Variants in B3GALT9 observed in about 807,000 individuals in gnomAD.
The protein encoded by B3GALT9 is UDP-GlcNAc:betaGal beta-1,3-N-acetylglucosaminyltransferase 10 (putative).
At position 120,793,860 on chromosome 9, in the gene B3GALT9, C is replaced by T. The variant is rs920340779; in HGVS notation, c.-244C>T. On this transcript the variant is annotated 5_prime_UTR_variant, in exon 1 of 3. Transcript: ENST00000689072. ...AAAGCCCCTGACCGCCTGGGCCTTA[C>T]ATCTATTAGGAGGAGGAAGACAGAT... is the stretch of plus-strand genomic sequence containing the variant. 2.6e-6 allele frequency: 1 copy of T among 387,814 alleles called. No homozygotes were observed. The highest frequency in any genetic ancestry group is 4.5e-6 in the Non-Finnish European group (1 of 219,848). 24.0% of individuals were successfully genotyped at this position (387,814 alleles called of 1,614,324 possible).
At chr9:120,795,448 A>T (rs1358240072) in intron 1 of B3GALT9, among the ~76,000 whole-genome samples, 1 of 152,222 alleles carries the variant, frequency 6.6e-6, no homozygotes. Context: ...CTATAAAAAA[A>T]TTTTTAAATT....
chr9:120,798,822 T>C lies in B3GALT9; in HGVS notation c.254T>C (p.Phe85Ser), dbSNP rs2044954064. The part of the protein sequence containing the change: ...QSEICKGKNI[F>S]LLSLIFSSPG... Reference sequence around the variant, plus strand: ...GAAATATGTAAAGGGAAGAACATTTTTTTGCTGTCTCTTATCTTCAGTAGC... The same window carrying C: ...GAAATATGTAAAGGGAAGAACATTTCTTTGCTGTCTCTTATCTTCAGTAGC... Residue 85 changes from phenylalanine to serine, a missense_variant, in exon 3 of 3, where the codon TTT becomes TCT. Physicochemically the swap from Phe to Ser is radical, Grantham distance 155. Transcript: ENST00000689072. 1 of 399,076 alleles carries C rather than the reference T, an allele frequency of 2.5e-6. No homozygotes were observed. 24.7% of individuals were successfully genotyped at this position (399,076 alleles called of 1,614,324 possible).
chr9:120,800,157 G>A lies in B3GALT9; in HGVS notation c.*479G>A, dbSNP rs1161885373. On this transcript the variant is annotated 3_prime_UTR_variant, in exon 3 of 3. Transcript: ENST00000689072. Reference sequence around the variant, plus strand: ...TTCGGAGACAGAGTCTTGCTCTGTCGCCCAGGCTGGAGTGCAATGGCACCA... The same window carrying A: ...TTCGGAGACAGAGTCTTGCTCTGTCACCCAGGCTGGAGTGCAATGGCACCA... 5.6e-5 allele frequency among the ~76,000 whole-genome samples: 8 copies of A among 143,416 alleles called. No individual in the cohort carries two copies. Among genetic ancestry groups the A allele is most frequent in the Admixed American group, 5.0e-4 (7 of 14,030 alleles). The allele number at this position is 143,416 out of a possible 152,430, so 94.1% of individuals were successfully genotyped here. A position where few individuals can be genotyped will look rare whatever the true frequency, so the allele number is the denominator to read the frequency against.
chr9:120,794,094 A>G (rs1380673717), intron 1 of B3GALT9, among the ~76,000 whole-genome samples, 172 bp downstream of exon 1: 1 of 152,192 alleles, frequency 6.6e-6, no homozygotes, highest in Non-Finnish European at 1.5e-5. Context: ...AAGGAAATGA[A>G]GCATGCAAAC....
chr9:120,797,979 T>G (rs749952589), intron 2 of B3GALT9, among the ~76,000 whole-genome samples: 1 of 152,226 alleles, frequency 6.6e-6, no homozygotes, highest in Non-Finnish European at 1.5e-5. Flanking sequence ...GTCAGATAGA[T>G]TAGGAGCCAT....
In B3GALT9 at chr9:120,799,490, T is replaced by G; in HGVS notation, c.922T>G (p.Phe308Val). 2.5e-6 allele frequency: 1 copy of G among 399,612 alleles called. No homozygotes were observed. The highest frequency in any genetic ancestry group is 3.6e-5 in the East Asian group (1 of 28,072). The allele number at this position is 399,612 out of a possible 1,614,324, so 24.8% of individuals were successfully genotyped here. The change falls in exon 3 of 3, where the codon TTT becomes GTT. Residue 308 changes from phenylalanine to valine, a missense_variant. Transcript: ENST00000689072. ...CAACAGATGTTGCTATAAGTTCATT[T>G]TTACATCCTCAGAAATTGCAGATCC... ...RYNRCCYKFI[F>V]TSSEIADPEM...
chr9:120,798,284 A>G (rs1303445504), intron 2 of B3GALT9, among the ~76,000 whole-genome samples: 1 of 152,222 alleles, frequency 6.6e-6, no homozygotes, highest in Non-Finnish European at 1.5e-5. Flanking sequence ...AGTGCCTTGT[A>G]TATAGTAAAT....
rs569666564 is a variant in B3GALT9 at position 120,799,656 on chromosome 9, ATC to A, written c.1091_1092del (p.Leu364HisfsTer5). 1.7e-4 allele frequency: 66 copies of A among 399,156 alleles called. No individual in the cohort carries two copies. In the South Asian group the frequency reaches 8.0e-3, roughly 48 times the overall value. The allele number at this position is 399,156 out of a possible 1,614,324, so 24.7% of individuals were successfully genotyped here. A position where few individuals can be genotyped will look rare whatever the true frequency, so the allele number is the denominator to read the frequency against. On this transcript the variant is annotated frameshift_variant, in exon 3 of 3. Transcript: ENST00000689072. LOFTEE classifies it high-confidence loss of function. Reference sequence around the variant, plus strand: ...TTTCACATGGGGACCATAAAAAACAATCTCATGTATTTTGCTGATTAGGATTT... The same window carrying A: ...TTTCACATGGGGACCATAAAAAACAATCATGTATTTTGCTGATTAGGATTT...
chr9:120,797,068 GAA>G (rs1304841044), intron 2 of B3GALT9, among the ~76,000 whole-genome samples: 1 of 102,696 alleles, frequency 9.7e-6, no homozygotes, highest in Admixed American at 1.4e-4. Flanking sequence ...AAAATAAAGA[GAA>G]AGAGAGAGAG....
chr9:120,793,675 C>T lies in B3GALT9; in HGVS notation c.-429C>T, dbSNP rs1227642080. 2 of 398,638 alleles carry T rather than the reference C, an allele frequency of 5.0e-6. No individual in the cohort carries two copies. The highest frequency in any genetic ancestry group is 8.8e-6 in the Non-Finnish European group (2 of 226,152). The allele number at this position is 398,638 out of a possible 1,614,324, so 24.7% of individuals were successfully genotyped here. On this transcript the variant is annotated 5_prime_UTR_variant, in exon 1 of 3. Coordinates refer to ENST00000689072, the MANE Select transcript of B3GALT9 (RefSeq NM_001386823.1). ...GTCCCTCCTCCAATCTGATCTTGCA[C>T]CAGCTCTGCAGTAGTTTTTCTTATT... is the stretch of plus-strand genomic sequence containing the variant.
rs182608344 is a variant in B3GALT9, at chr9:120,793,532, A to G, written c.-572A>G. On this transcript the variant is annotated 5_prime_UTR_variant, in exon 1 of 3. Transcript: ENST00000689072. ...GGAGGCCGGGAGTAGGGGTGGGGAGAAGAGCGTCCCGGGAAGCTGAACGCG... is the reference window on the plus strand; with the variant it reads ...GGAGGCCGGGAGTAGGGGTGGGGAGGAGAGCGTCCCGGGAAGCTGAACGCG... 4.5e-4 allele frequency: 178 copies of G among 399,694 alleles called. No homozygotes were observed. Among genetic ancestry groups the G allele is most frequent in the Non-Finnish European group, 6.8e-4 (154 of 226,914 alleles). The allele number at this position is 399,694 out of a possible 1,614,324, so 24.8% of individuals were successfully genotyped here.
Position 120,800,516 on chromosome 9 carries a change from CA to C in B3GALT9, c.*841del, listed in dbSNP as rs2044964223. On this transcript the variant is annotated 3_prime_UTR_variant, in exon 3 of 3. Coordinates refer to ENST00000689072, the MANE Select transcript of B3GALT9 (RefSeq NM_001386823.1). ...AAGTGATCCTCCCACCTCAGCCTCC[CA>C]AAGTCCCAAAGTGTTGGGATTATAG... Among the ~76,000 whole-genome samples, 2 of 151,980 alleles carry C rather than the reference CA, an allele frequency of 1.3e-5. No individual in the cohort carries two copies. The highest frequency in any genetic ancestry group is 3.8e-4 in the East Asian group (2 of 5,196).
Position 120,793,578 on chromosome 9 carries a change from G to A in B3GALT9, c.-526G>A, listed in dbSNP as rs966354948. The A allele has an allele frequency of 2.2e-5, 9 of 400,100 alleles. No individual in the cohort carries two copies. Among genetic ancestry groups the A allele is most frequent in the Non-Finnish European group, 3.5e-5 (8 of 227,028 alleles). 24.8% of individuals were successfully genotyped at this position (400,100 alleles called of 1,614,324 possible). ...ACGCGTGCCGCGCGGCCCTCACGGT[G>A]CTTAGGCTGGGTGCAACCTAGAACG... is the stretch of plus-strand genomic sequence containing the variant. On this transcript the variant is annotated 5_prime_UTR_variant, in exon 1 of 3. Coordinates refer to ENST00000689072, the MANE Select transcript of B3GALT9 (RefSeq NM_001386823.1).
Position 120,798,759 on chromosome 9 carries a change from G to A in B3GALT9, c.191G>A (p.Arg64Lys), listed in dbSNP as rs547265324. The part of the protein sequence containing the change: ...KARKLNIEPL[R>K]SNLSKYYVLS... ...AGAAAATTGAACATCGAACCCCTAA[G>A]AAGTAATCTCTCCAAATATTATGTC... is the stretch of plus-strand genomic sequence containing the variant. Residue 64 changes from arginine (R) to lysine (K), a missense_variant, in exon 3 of 3, where the codon AGA (arginine) becomes AAA (lysine). Coordinates refer to ENST00000689072, the MANE Select transcript of B3GALT9 (RefSeq NM_001386823.1). 7.5e-5 allele frequency: 30 copies of A among 399,032 alleles called. No individual in the cohort carries two copies. The South Asian group carries it at 3.4e-3, about 46-fold the overall frequency. The allele number at this position is 399,032 out of a possible 1,614,324, so 24.7% of individuals were successfully genotyped here.
At chr9:120,798,166 A>G in intron 2 of B3GALT9, among the ~76,000 whole-genome samples, 1 of 152,262 alleles carries the variant, frequency 6.6e-6, no homozygotes, top group East Asian at 1.9e-4. Context: ...CATTCAAGAA[A>G]GAACATCATG....
Position 120,793,739 on chromosome 9 carries a change from GAAGTT to G in B3GALT9, c.-361_-357del. ...GGAGGAGAGGGAGCTGTGGCTTAGA[GAAGTT>G]AAGAGACGTGTCCAAATTCATACAA... On this transcript the variant is annotated 5_prime_UTR_variant, in exon 1 of 3. Transcript: ENST00000689072. 2.5e-6 allele frequency: 1 copy of G among 398,510 alleles called. No individual in the cohort carries two copies. Among genetic ancestry groups the G allele is most frequent in the East Asian group, 3.6e-5 (1 of 28,074 alleles). 24.7% of individuals were successfully genotyped at this position (398,510 alleles called of 1,614,324 possible). A position where few individuals can be genotyped will look rare whatever the true frequency, so the allele number is the denominator to read the frequency against.
intron 1 of B3GALT9, among the ~76,000 whole-genome samples, chr9:120,795,254 C>T (rs2044930813): frequency 6.6e-6 from 1 of 152,132 alleles, no homozygotes; most frequent in African/African-American, 2.4e-5. Context: ...CCAGGGTAAT[C>T]AAGAAAATCA....
At chr9:120,794,351 T>G (rs1382777668) in intron 1 of B3GALT9, among the ~76,000 whole-genome samples, 1 of 151,994 alleles carries the variant, frequency 6.6e-6, no homozygotes, top group African/African-American at 2.4e-5. Flanking sequence ...CCTTTTTTTT[T>G]TTTTGAGGCA....
intron 2 of B3GALT9, among the ~76,000 whole-genome samples, chr9:120,797,927 G>T (rs111459201): frequency 3.3e-5 from 5 of 152,348 alleles, no homozygotes; most frequent in African/African-American, 1.2e-4. Flanking sequence ...CTCTGAAGAG[G>T]TGCTATGCAG....
Sources: allele counts gnomAD v4.1 joint callset (sites outside exome capture counted in the v4.1 genomes callset), GRCh38; gene constraint gnomAD v4.1.1; transcripts MANE v1.5; gene names NCBI Gene and HGNC (gene_info 2026-07-23, HGNC 2026-07-21).